The following GATA4 variants were observed in gnomAD, a reference collection of about 807,000 sequenced individuals.
The protein encoded by GATA4 is GATA binding protein 4.
Under a neutral mutation model 37.9 loss-of-function variants are expected in GATA4, and 7 were observed. The ratio of observed to expected loss-of-function variants is 0.18; its 90% confidence interval spans 0.11 to 0.35. GATA4 has a LOEUF of 0.35. GATA4 is among the 10% of genes least tolerant of loss of function. GATA4 has a pLI of 1.00. For synonymous variants in GATA4, 372 were observed against 292.6 expected (o/e 1.27, Z -2.77); for missense variants, 647 against 653.0 (o/e 0.99, Z 0.10).
intron 1 of GATA4, among the ~76,000 whole-genome samples, chr8:11,679,894 C>G (rs1219644886): frequency 6.6e-6 from 1 of 152,164 alleles, no homozygotes. Flanking sequence ...TGTTAACTGG[C>G]CATGAATTTT....
chr8:11,713,042 C>G (rs1585607637), intron 2 of GATA4, among the ~76,000 whole-genome samples: 1 of 149,742 alleles, frequency 6.7e-6, no homozygotes, highest in African/African-American at 2.5e-5. Context: ...TGAGGAGAAA[C>G]AAGAGAACAC....
At chr8:11,692,962 G>A (rs1447393862) in intron 1 of GATA4, 4 of 985,242 alleles carry the variant, frequency 4.1e-6, no homozygotes, top group Middle Eastern at 5.2e-4. Flanking sequence ...GGCCTGCCAG[G>A]CGCCGGCCCC....
At chr8:11,691,566 G>T (rs1349826513), upstream of GATA4, among the ~76,000 whole-genome samples, 1 of 152,190 alleles carries the variant, frequency 6.6e-6, no homozygotes, top group Non-Finnish European at 1.5e-5. Flanking sequence ...AAGGAACCTG[G>T]GAGACAGTTT....
intron 2 of GATA4, among the ~76,000 whole-genome samples, chr8:11,736,409 G>A (rs530957278): frequency 6.6e-6 from 1 of 152,208 alleles, no homozygotes; most frequent in Admixed American, 6.5e-5. Flanking sequence ...GTTGGCTAAG[G>A]CGTCCACCTC....
intron 2 of GATA4, among the ~76,000 whole-genome samples, chr8:11,729,539 G>C (rs1461585383): frequency 7.0e-6 from 1 of 142,134 alleles, no homozygotes; most frequent in African/African-American, 2.6e-5. Flanking sequence ...CTGGGCAACA[G>C]TGCGAGACTG....
rs1800086809 is a variant in GATA4, at chr8:11,709,739, C to G, written c.616+811C>G. ...TTGGAAATAACCGTTGTGGTAGGTT[C>G]CATGCAGTGTTTCCATCGGATGTCA... On this transcript the variant is annotated intron_variant, in intron 2 of 6. Transcript: ENST00000532059. This position sits in a 1 kb window ranked among gnomAD's most constrained non-coding sequence, Gnocchi z 4.3. Among the ~76,000 whole-genome samples, 1 of 152,196 alleles carries G rather than the reference C, an allele frequency of 6.6e-6. No individual in the cohort carries two copies. The highest frequency in any genetic ancestry group is 2.1e-4 in the South Asian group (1 of 4,834).
At chr8:11,738,481 A>G (rs1404324907) in intron 2 of GATA4, among the ~76,000 whole-genome samples, 3 of 152,212 alleles carry the variant, frequency 2.0e-5, no homozygotes, top group Non-Finnish European at 2.9e-5. Context: ...ATATCAGTAC[A>G]TCAAGATCAT....
At chr8:11,727,016 C>A (rs959529094) in intron 2 of GATA4, among the ~76,000 whole-genome samples, 23 of 151,730 alleles carry the variant, frequency 1.5e-4, no homozygotes, top group African/African-American at 5.6e-4. Context: ...ATGATCCTTC[C>A]TGGAGAGCCC....
chr8:11,696,765 A>T (rs953904804), intron 1 of GATA4, among the ~76,000 whole-genome samples: 11 of 152,188 alleles, frequency 7.2e-5, no homozygotes, highest in Non-Finnish European at 1.3e-4. Flanking sequence ...TGTGGAAAGA[A>T]AGATATGAAT....
intron 2 of GATA4, among the ~76,000 whole-genome samples, chr8:11,721,064 G>T (rs1304051149): frequency 1.3e-5 from 2 of 151,888 alleles, no homozygotes; most frequent in Non-Finnish European, 2.9e-5. Context: ...AAGTGTCTCC[G>T]AATCCCAGCA....
chr8:11,708,205 A>T lies in GATA4; in HGVS notation c.-108A>T, dbSNP rs1799980160. 8.0e-7 allele frequency: 1 copy of T among 1,244,762 alleles called. No homozygotes were observed. Among genetic ancestry groups the T allele is most frequent in the Non-Finnish European group, 1.1e-6 (1 of 883,576 alleles). The allele number at this position is 1,244,762 out of a possible 1,614,324, so 77.1% of individuals were successfully genotyped here. A position where few individuals can be genotyped will look rare whatever the true frequency, so the allele number is the denominator to read the frequency against. On this transcript the variant is annotated 5_prime_UTR_variant, in exon 2 of 7. Coordinates refer to ENST00000532059, the MANE Select transcript of GATA4 (RefSeq NM_001308093.3). This position sits in a 1 kb window ranked among gnomAD's most constrained non-coding sequence, Gnocchi z 6.7. ...CCCTTTGATTTTTGATCTTCGCGAC[A>T]GTTCCTCCCACGCATATTATCGTTG...
At chr8:11,683,805 G>C (rs2129941818) in intron 1 of GATA4, among the ~76,000 whole-genome samples, 1 of 152,298 alleles carries the variant, frequency 6.6e-6, no homozygotes, top group South Asian at 2.1e-4. Context: ...ATTCAGTGCA[G>C]GAATCCCTCC....
rs910395121 is a variant in GATA4 at position 11,749,425 on chromosome 8, C to T, written c.786+340C>T. 1.3e-5 allele frequency among the ~76,000 whole-genome samples: 2 copies of T among 152,140 alleles called. No homozygotes were observed. The highest frequency in any genetic ancestry group is 2.9e-5 in the Non-Finnish European group (2 of 68,022). On this transcript the variant is annotated intron_variant, in intron 3 of 6. Transcript: ENST00000532059. This position sits in a 1 kb window ranked among gnomAD's most constrained non-coding sequence, Gnocchi z 4.6. ...CAGTCCAGTGTTGACTGGAGTGTCTCCTCCACCCACACCAACCCTGCAAGG... is the reference window on the plus strand; with the variant it reads ...CAGTCCAGTGTTGACTGGAGTGTCTTCTCCACCCACACCAACCCTGCAAGG...
chr8:11,692,725 C>T, intron 1 of GATA4: 1 of 984,506 alleles, frequency 1.0e-6, no homozygotes, highest in Non-Finnish European at 1.2e-6. Flanking sequence ...GGAGGGAGAG[C>T]AGGCGCCGGG....
At chr8:11,750,291 G>T in intron 4 of GATA4, 55 bp downstream of exon 4, 1 of 1,603,642 alleles carries the variant, frequency 6.2e-7, no homozygotes, top group Non-Finnish European at 8.5e-7. Context: ...CCATCTCTCA[G>T]TCCTCCCTTG....
chr8:11,716,617 C>G (rs1177471956), intron 2 of GATA4, among the ~76,000 whole-genome samples: 2 of 152,182 alleles, frequency 1.3e-5, no homozygotes, highest in Non-Finnish European at 2.9e-5. Context: ...GCGGACACCC[C>G]AGCCCCACAC....
In GATA4 at chr8:11,708,203, A is replaced by G. The variant is rs556675919; in HGVS notation, c.-110A>G. Reference sequence around the variant, plus strand: ...TCCCCTTTGATTTTTGATCTTCGCGACAGTTCCTCCCACGCATATTATCGT... The same window carrying G: ...TCCCCTTTGATTTTTGATCTTCGCGGCAGTTCCTCCCACGCATATTATCGT... On this transcript the variant is annotated 5_prime_UTR_variant, in exon 2 of 7. Coordinates refer to ENST00000532059, the MANE Select transcript of GATA4 (RefSeq NM_001308093.3). This position sits in a 1 kb window ranked among gnomAD's most constrained non-coding sequence, Gnocchi z 6.7. The G allele has an allele frequency of 1.1e-4, 137 of 1,235,682 alleles. 1 individual carries two copies. In the East Asian group the frequency reaches 1.5e-3, roughly 14 times the overall value. 76.5% of individuals were successfully genotyped at this position (1,235,682 alleles called of 1,614,324 possible).
At position 11,749,144 on chromosome 8, in the gene GATA4, G is replaced by A; in HGVS notation, c.786+59G>A. On this transcript the variant is annotated intron_variant, in intron 3 of 6. Coordinates refer to ENST00000532059, the MANE Select transcript of GATA4 (RefSeq NM_001308093.3). The surrounding 1 kb of genome is among the most constrained non-coding windows in gnomAD (Gnocchi z 4.6). ...CTGGCTGCGGAGCTCTCGCCTTGGTGGGACATCCTCTGGTTTTGAATTTTG... is the reference window on the plus strand; with the variant it reads ...CTGGCTGCGGAGCTCTCGCCTTGGTAGGACATCCTCTGGTTTTGAATTTTG... 1 of 1,566,934 alleles carries A rather than the reference G, an allele frequency of 6.4e-7. No individual in the cohort carries two copies. Among genetic ancestry groups the A allele is most frequent in the Non-Finnish European group, 8.7e-7 (1 of 1,145,664 alleles).
At chr8:11,711,747 CAAAAAAAAAAAAAA>C in intron 2 of GATA4, among the ~76,000 whole-genome samples, 1 of 56,862 alleles carries the variant, frequency 1.8e-5, no homozygotes, top group Admixed American at 1.9e-4. Context: ...GACCCTCTCT[CAAAAAAAAAAAAAA>C]AAAAAAAAAA....
Sources: allele counts gnomAD v4.1 joint callset (sites outside exome capture counted in the v4.1 genomes callset), GRCh38; gene constraint gnomAD v4.1.1; non-coding constraint Gnocchi (gnomAD v3.1); transcripts MANE v1.5; gene names NCBI Gene and HGNC (gene_info 2026-07-23, HGNC 2026-07-21).